The following ARL15 variants were observed in gnomAD, a reference collection of about 807,000 sequenced individuals.
ARL15 encodes ADP-ribosylation factor-like protein 15.
Under a neutral mutation model 25.2 loss-of-function variants are expected in ARL15, and 19 were observed. That is an observed-to-expected ratio of 0.75 (90% CI 0.53 to 1.10). The LOEUF is 1.10. Among genes scored for constraint, ARL15 ranks in the 50% least tolerant of loss-of-function variants. The pLI is 0.00. For missense variants in ARL15, 220 were observed against 246.0 expected, an observed-to-expected ratio of 0.89 and a Z score of 0.71; for synonymous variants, 94 against 86.8, an observed-to-expected ratio of 1.08 and a Z score of -0.46.
intron 3 of ARL15, among the ~76,000 whole-genome samples, chr5:54,152,139 C>A (rs1297682832): frequency 6.6e-6 from 1 of 152,160 alleles, no homozygotes; most frequent in Non-Finnish European, 1.5e-5. Context: ...CAACCCTCCA[C>A]TGGTGAATAA....
intron 4 of ARL15, among the ~76,000 whole-genome samples, chr5:53,951,050 GA>G (rs1303276761): frequency 1.3e-5 from 2 of 152,086 alleles, no homozygotes; most frequent in Admixed American, 6.5e-5. Context: ...ATGGTTGGGG[GA>G]AAAAAATCAA....
intron 4 of ARL15, among the ~76,000 whole-genome samples, chr5:54,040,579 A>G (rs1405164838): frequency 6.6e-6 from 1 of 152,230 alleles, no homozygotes; most frequent in African/African-American, 2.4e-5. Context: ...TGATCACAGT[A>G]GAGCTACTAA....
rs181784844 is a variant in ARL15 at position 54,179,496 on chromosome 5, C to G, written c.49-7568G>C. Among the ~76,000 whole-genome samples, 605 of 152,182 alleles carry G rather than the reference C, an allele frequency of 4.0e-3. 4 individuals carry two copies. Among genetic ancestry groups the G allele is most frequent in the African/African-American group, 0.013 (560 of 41,520 alleles). On this transcript the variant is annotated intron_variant, in intron 1 of 4. Coordinates refer to ENST00000504924, the MANE Select transcript of ARL15 (RefSeq NM_019087.3). ...TTTATGGCCAAAGTATCTCTCATTCCAGGCAAAAGGGACCTGCAGCTCTCT... is the reference window on the plus strand; with the variant it reads ...TTTATGGCCAAAGTATCTCTCATTCGAGGCAAAAGGGACCTGCAGCTCTCT...
intron 4 of ARL15, among the ~76,000 whole-genome samples, chr5:54,069,820 T>C (rs1740143834): frequency 1.3e-5 from 2 of 151,388 alleles, no homozygotes; most frequent in South Asian, 4.2e-4. Flanking sequence ...ATTACAGGCA[T>C]TCACCACCAC....
chr5:54,060,545 C>A (rs1430461054), intron 4 of ARL15, among the ~76,000 whole-genome samples: 1 of 152,208 alleles, frequency 6.6e-6, no homozygotes, highest in Non-Finnish European at 1.5e-5. Context: ...ACTTGCTCCC[C>A]CTTGCCTTCC....
At chr5:54,180,457 G>A (rs554476522) in intron 1 of ARL15, among the ~76,000 whole-genome samples, 1 of 152,334 alleles carries the variant, frequency 6.6e-6, no homozygotes, top group Admixed American at 6.5e-5. Context: ...CTGTGAAGAG[G>A]CCCCTGGCTG....
rs913158593 is a variant in ARL15, at chr5:54,054,169, C to T, written c.462+59033G>A. ...ATCTCTCCCCTTACTTCCGGTACCTCGCCCCCACCTAAATAAATCACTATC... is the reference window on the plus strand; with the variant it reads ...ATCTCTCCCCTTACTTCCGGTACCTTGCCCCCACCTAAATAAATCACTATC... On this transcript the variant is annotated intron_variant, in intron 4 of 4. Transcript: ENST00000504924. Among the ~76,000 whole-genome samples, 9 of 152,206 alleles carry T rather than the reference C, an allele frequency of 5.9e-5. 1 individual carries two copies. Among genetic ancestry groups the T allele is most frequent in the East Asian group, 3.8e-4 (2 of 5,198 alleles).
At chr5:54,276,257 A>G (rs1012110181) in intron 1 of ARL15, among the ~76,000 whole-genome samples, 2 of 152,180 alleles carry the variant, frequency 1.3e-5, no homozygotes, top group Non-Finnish European at 2.9e-5. Context: ...ACATCTCAGC[A>G]TCCCACACAG....
intron 4 of ARL15, among the ~76,000 whole-genome samples, chr5:53,892,429 T>C (rs1744745308): frequency 6.6e-6 from 1 of 152,162 alleles, no homozygotes; most frequent in Non-Finnish European, 1.5e-5. Flanking sequence ...AGCTGGAAGA[T>C]GATGCAAGAG....
intron 4 of ARL15, among the ~76,000 whole-genome samples, chr5:54,003,497 G>A (rs1015493107): frequency 4.6e-5 from 7 of 152,158 alleles, no homozygotes; most frequent in Non-Finnish European, 7.3e-5. Context: ...GGTCTTTCAT[G>A]AGAATTTTGA....
intron 4 of ARL15, among the ~76,000 whole-genome samples, chr5:53,908,160 C>T (rs1209356766): frequency 6.6e-6 from 1 of 152,128 alleles, no homozygotes; most frequent in African/African-American, 2.4e-5. Context: ...TATGTTGTTA[C>T]AATTATTTTA....
intron 1 of ARL15, among the ~76,000 whole-genome samples, chr5:54,293,492 C>T (rs1758388059): frequency 6.6e-6 from 1 of 152,162 alleles, no homozygotes; most frequent in African/African-American, 2.4e-5. Context: ...ATGTTAGTTC[C>T]TCCCCTATAC....
intron 1 of ARL15, among the ~76,000 whole-genome samples, chr5:54,299,106 T>C (rs1758546502): frequency 6.6e-6 from 1 of 152,070 alleles, no homozygotes; most frequent in Admixed American, 6.5e-5. Flanking sequence ...CTCACTATGT[T>C]GCCCAGTCTA....
intron 1 of ARL15, among the ~76,000 whole-genome samples, chr5:54,186,530 A>G (rs1755245217): frequency 6.6e-6 from 1 of 152,232 alleles, no homozygotes; most frequent in African/African-American, 2.4e-5. Context: ...ACACACAGAT[A>G]AAGGCAGATC....
intron 3 of ARL15, among the ~76,000 whole-genome samples, chr5:54,128,679 G>A (rs1753335842): frequency 6.7e-6 from 1 of 149,266 alleles, no homozygotes; most frequent in African/African-American, 2.5e-5. Flanking sequence ...AGCAACACAA[G>A]TATTTCCTAT....
chr5:54,012,988 C>T (rs536358411), intron 4 of ARL15, among the ~76,000 whole-genome samples: 28 of 151,006 alleles, frequency 1.9e-4, no homozygotes, highest in African/African-American at 6.1e-4. Flanking sequence ...TTAGTAGAGA[C>T]GGAGTTTCAC....
chr5:53,947,167 G>GGGGTGTGTGTGTGTGTGT (rs752822788), intron 4 of ARL15, among the ~76,000 whole-genome samples: 1 of 123,660 alleles, frequency 8.1e-6, no homozygotes, highest in Non-Finnish European at 1.7e-5. Context: ...AATAAATAAG[G>GGGGTGTGTGTGTGTGTGT]GTGTGTGTGT....
chr5:54,180,923 T>C (rs543842694), intron 1 of ARL15, among the ~76,000 whole-genome samples: 1 of 152,270 alleles, frequency 6.6e-6, no homozygotes, highest in Admixed American at 6.5e-5. Flanking sequence ...AGACTTTGAA[T>C]GGAAGAGAGT....
chr5:54,048,526 C>T (rs1444850683), intron 4 of ARL15, among the ~76,000 whole-genome samples: 1 of 150,568 alleles, frequency 6.6e-6, no homozygotes, highest in Non-Finnish European at 1.5e-5. Flanking sequence ...CCTAGGCTTC[C>T]CAAGTAGTTG....
Sources: allele counts gnomAD v4.1 joint callset (sites outside exome capture counted in the v4.1 genomes callset), GRCh38; gene constraint gnomAD v4.1.1; transcripts MANE v1.5; gene names NCBI Gene and HGNC (gene_info 2026-07-23, HGNC 2026-07-21).